IFT88: variants seen among roughly 807,000 people sequenced by gnomAD.
The protein encoded by IFT88 is intraflagellar transport protein 88 homolog.
In IFT88, 74 loss-of-function variants were observed where a neutral mutation model predicts 119.5. That is an observed-to-expected ratio of 0.62 (90% CI 0.51 to 0.75). The LOEUF (loss-of-function observed/expected upper bound fraction) is 0.75. Among genes scored for constraint, IFT88 ranks in the 30% least tolerant of loss-of-function variants. The probability of loss-of-function intolerance (pLI) is 0.00; values close to 1 mark genes in which losing one functional copy is unlikely to be tolerated. For missense variants in IFT88, 961 were observed against 977.7 expected (o/e 0.98, Z 0.23); for synonymous variants, 279 against 316.7 (o/e 0.88, Z 1.26).
intron 14 of IFT88, among the ~76,000 whole-genome samples, chr13:20,623,121 G>A (rs1232178792): frequency 6.6e-6 from 1 of 152,164 alleles, no homozygotes; most frequent in African/African-American, 2.4e-5. Flanking sequence ...GCATTTGACT[G>A]TATATGTGGT....
chr13:20,651,947 C>T (rs1319616269), intron 20 of IFT88, among the ~76,000 whole-genome samples: 1 of 152,134 alleles, frequency 6.6e-6, no homozygotes, highest in Non-Finnish European at 1.5e-5. Context: ...ACTTTAAAAA[C>T]ATTAGCTAAG....
intron 12 of IFT88, among the ~76,000 whole-genome samples, chr13:20,602,349 C>T (rs1052937018): frequency 1.3e-5 from 2 of 151,724 alleles, no homozygotes; most frequent in Non-Finnish European, 2.9e-5. Context: ...GGATTACAGG[C>T]ATGCGCCACC....
intron 12 of IFT88, among the ~76,000 whole-genome samples, chr13:20,603,135 A>C (rs2042874440): frequency 6.6e-6 from 1 of 152,230 alleles, no homozygotes; most frequent in African/African-American, 2.4e-5. Context: ...ATATTGGCAT[A>C]CTGTATATTA....
chr13:20,622,276 AT>A (rs2046660414), intron 14 of IFT88, among the ~76,000 whole-genome samples: 1 of 152,156 alleles, frequency 6.6e-6, no homozygotes. Flanking sequence ...CAGTTTGGCA[AT>A]TTTGAATAAA....
chr13:20,574,818 G>T (rs536647410), intron 2 of IFT88, among the ~76,000 whole-genome samples: 1 of 152,068 alleles, frequency 6.6e-6, no homozygotes, highest in African/African-American at 2.4e-5. Flanking sequence ...CTTGTTTTTT[G>T]GTTTTAATTT....
intron 24 of IFT88, among the ~76,000 whole-genome samples, chr13:20,676,550 TTC>T (rs2056686626): frequency 6.6e-6 from 1 of 152,202 alleles, no homozygotes; most frequent in Non-Finnish European, 1.5e-5. Flanking sequence ...GAGCCTCAGT[TTC>T]TCCCTAACAC....
intron 13 of IFT88, chr13:20,607,525 CGCTGT>C (rs1566171853): frequency 2.9e-6 from 2 of 697,004 alleles, no homozygotes; most frequent in African/African-American, 3.5e-5. Flanking sequence ...GAGGCCGCCA[CGCTGT>C]GCTTCTTGTT....
chr13:20,638,598 C>CT, intron 17 of IFT88, 80 bp downstream of exon 17: 1 of 969,016 alleles, frequency 1.0e-6, no homozygotes, highest in Non-Finnish European at 1.4e-6. Flanking sequence ...GCTTAAAGAG[C>CT]TCTAACACAT....
chr13:20,587,519 A>C (rs1441510979), intron 3 of IFT88, among the ~76,000 whole-genome samples: 1 of 152,122 alleles, frequency 6.6e-6, no homozygotes, highest in East Asian at 1.9e-4. Flanking sequence ...CAGTGTCCCA[A>C]AGTGCTGGGA....
chr13:20,607,290 C>T lies in IFT88; in HGVS notation c.1112+2185C>T. On this transcript the variant is annotated intron_variant, in intron 13 of 25. Transcript: ENST00000351808. ...CACTTCTACCCGTACTGCGTGCTGC[C>T]ACTCACCTTCGGCAAGTACTTCGCA... The T allele has an allele frequency of 6.8e-6, 3 of 442,462 alleles. 1 individual carries two copies. Among genetic ancestry groups the T allele is most frequent in the South Asian group, 5.4e-5 (3 of 55,236 alleles). 27.4% of individuals were successfully genotyped at this position (442,462 alleles called of 1,614,324 possible).
intron 24 of IFT88, among the ~76,000 whole-genome samples, chr13:20,687,022 C>CAAAAAA (rs370247448): frequency 1.7e-5 from 1 of 59,832 alleles, no homozygotes; most frequent in Non-Finnish European, 3.6e-5. Flanking sequence ...ACTTTCTTAC[C>CAAAAAA]AAAAAAAAAA....
At chr13:20,616,732 A>C (rs1360329061) in intron 14 of IFT88, among the ~76,000 whole-genome samples, 1 of 152,210 alleles carries the variant, frequency 6.6e-6, no homozygotes. Flanking sequence ...AGTATTATGT[A>C]CTGTACATAA....
chr13:20,591,081 A>G (rs963798477), intron 5 of IFT88, 61 bp downstream of exon 5: 2 of 1,132,936 alleles, frequency 1.8e-6, no homozygotes, highest in African/African-American at 3.1e-5. Context: ...TTTACTACCA[A>G]AGTTTTTTTA....
chr13:20,634,181 G>T (rs188237007), intron 16 of IFT88, among the ~76,000 whole-genome samples: 1 of 152,256 alleles, frequency 6.6e-6, no homozygotes, highest in South Asian at 2.1e-4. Context: ...GTTCTTGTGC[G>T]CATTGAGTTT....
chr13:20,691,000 C>T (rs1309122284), intron 25 of IFT88, 54 bp from the exon 26 acceptor site: 10 of 1,594,594 alleles, frequency 6.3e-6, no homozygotes, highest in Non-Finnish European at 7.7e-6. Context: ...ATTGGTTTCA[C>T]ATTTGTTTTG....
At chr13:20,584,989 C>T (rs146186479) in intron 3 of IFT88, among the ~76,000 whole-genome samples, 13 of 152,334 alleles carry the variant, frequency 8.5e-5, no homozygotes, top group African/African-American at 3.1e-4. Context: ...AAGAGCTATC[C>T]AGCCGAAACT....
At chr13:20,624,191 T>C (rs752278540) in intron 14 of IFT88, among the ~76,000 whole-genome samples, 7 of 152,184 alleles carry the variant, frequency 4.6e-5, no homozygotes, top group Non-Finnish European at 7.3e-5. Context: ...GTGTATGTCA[T>C]GTCAAGTTTC....
chr13:20,631,317 A>G (rs1373239903), intron 16 of IFT88: 1 of 500,966 alleles, frequency 2.0e-6, no homozygotes, highest in Non-Finnish European at 3.6e-6. Flanking sequence ...GAAGGGAGGA[A>G]GAAAAATTGT....
intron 22 of IFT88, among the ~76,000 whole-genome samples, chr13:20,660,998 C>G (rs534765545): frequency 1.9e-4 from 29 of 152,228 alleles, no homozygotes; most frequent in Middle Eastern, 3.4e-3. Flanking sequence ...TTAAGACTTT[C>G]CTGTTTCTTT....
Sources: allele counts gnomAD v4.1 joint callset (sites outside exome capture counted in the v4.1 genomes callset), GRCh38; gene constraint gnomAD v4.1.1; transcripts MANE v1.5; gene names NCBI Gene and HGNC (gene_info 2026-07-23, HGNC 2026-07-21).